PRKAR1A: variants seen among roughly 807,000 people sequenced by gnomAD.
The protein encoded by PRKAR1A is cAMP-dependent protein kinase type I-alpha regulatory subunit.
PRKAR1A carries 3 observed loss-of-function variants against 52.0 expected under a neutral mutation model. That is an observed-to-expected ratio of 0.06 (90% CI 0.03 to 0.15). PRKAR1A has a LOEUF of 0.15. Among genes scored for constraint, PRKAR1A ranks in the 10% least tolerant of loss-of-function variants. The pLI, the probability that PRKAR1A is intolerant of heterozygous loss-of-function variation, is 1.00. For synonymous variants in PRKAR1A, 188 were observed against 168.4 expected (o/e 1.12, Z -0.90); for missense variants, 240 against 477.4 (o/e 0.50, Z 4.63).
At chr17:68,462,830 G>A in the PRKAR1A span, among the ~76,000 whole-genome samples, 1 of 152,216 alleles carries the variant, frequency 6.6e-6, no homozygotes, top group Non-Finnish European at 1.5e-5. Context: ...ATTGTGCCAA[G>A]AGGGCCACGG....
intron 1 of PRKAR1A, chr17:68,512,932 GGTCCGCCATCGTCTC>G (rs1468953683): frequency 6.6e-6 from 1 of 152,288 alleles, no homozygotes; most frequent in Admixed American, 6.5e-5. Flanking sequence ...ATTTTACTGG[GGTCCGCCATCGTCTC>G]GTCCGCCGGT....
chr17:68,546,986 G>A (rs1203043656), intron 11 of PRKAR1A, among the ~76,000 whole-genome samples: 1 of 152,036 alleles, frequency 6.6e-6, no homozygotes, highest in African/African-American at 2.4e-5. Flanking sequence ...TATTACCAAT[G>A]AGCAGTAATA....
the PRKAR1A span, among the ~76,000 whole-genome samples, chr17:68,481,048 C>A: frequency 6.6e-6 from 1 of 152,286 alleles, no homozygotes; most frequent in South Asian, 2.1e-4. Flanking sequence ...GTCTCCCTAC[C>A]CAGTTATAGC....
chr17:68,495,012 C>T, the PRKAR1A span, among the ~76,000 whole-genome samples: 10 of 152,124 alleles, frequency 6.6e-5, no homozygotes, highest in Admixed American at 1.3e-4. Flanking sequence ...CTCTGTCTAC[C>T]TTCCCTTCCT....
At chr17:68,470,434 T>C in the PRKAR1A span, among the ~76,000 whole-genome samples, 2 of 152,242 alleles carry the variant, frequency 1.3e-5, no homozygotes, top group Admixed American at 1.3e-4. Context: ...CAAGAGAGTC[T>C]TGGGTAAACC....
chr17:68,507,634 G>T (rs149050576), upstream of PRKAR1A, among the ~76,000 whole-genome samples: 1 of 151,836 alleles, frequency 6.6e-6, no homozygotes, highest in Non-Finnish European at 1.5e-5. Flanking sequence ...CATGTATCCC[G>T]AACTTAAATT....
At chr17:68,497,494 G>C in the PRKAR1A span, among the ~76,000 whole-genome samples, 1 of 152,138 alleles carries the variant, frequency 6.6e-6, no homozygotes, top group Non-Finnish European at 1.5e-5. Context: ...GTACCCCTAA[G>C]GAAAAGACTT....
the PRKAR1A span, among the ~76,000 whole-genome samples, chr17:68,442,767 G>A: frequency 1.3e-5 from 2 of 152,080 alleles, no homozygotes; most frequent in Admixed American, 6.6e-5. Context: ...AACTGTGTCC[G>A]CACCCCAGAG....
chr17:68,448,919 C>T, the PRKAR1A span, among the ~76,000 whole-genome samples: 1 of 152,214 alleles, frequency 6.6e-6, no homozygotes, highest in Non-Finnish European at 1.5e-5. Context: ...CTTTCTTACT[C>T]CTGCTACTCC....
chr17:68,528,682 T>C, intron 8 of PRKAR1A, 188 bp from the exon 9 acceptor site: 1 of 708,484 alleles, frequency 1.4e-6, no homozygotes, highest in Non-Finnish European at 2.4e-6. Context: ...ATCTAAGGGC[T>C]ATCTGCAGGC....
At chr17:68,528,024 G>T (rs755250113) in intron 8 of PRKAR1A, 124 bp downstream of exon 8, 1 of 825,238 alleles carries the variant, frequency 1.2e-6, no homozygotes. Context: ...AGACAGAAGG[G>T]CTGAAAGTCC....
At chr17:68,536,928 A>G (rs1216173156), downstream of PRKAR1A, 1 of 454,208 alleles carries the variant, frequency 2.2e-6, no homozygotes. Flanking sequence ...AGTAGGGATT[A>G]CTGATTCAGA....
chr17:68,505,734 G>A, the PRKAR1A span, among the ~76,000 whole-genome samples: 5 of 152,146 alleles, frequency 3.3e-5, no homozygotes, highest in South Asian at 8.3e-4. Flanking sequence ...ACTGGCTTGA[G>A]CCCAGGAGAT....
the PRKAR1A span, among the ~76,000 whole-genome samples, chr17:68,446,811 TC>T: frequency 6.6e-6 from 1 of 152,156 alleles, no homozygotes; most frequent in Admixed American, 6.6e-5. Context: ...TGCATTTTTT[TC>T]CCAAGAGCTC....
the PRKAR1A span, chr17:68,421,698 A>T: frequency 6.2e-7 from 1 of 1,606,870 alleles, no homozygotes; most frequent in Non-Finnish European, 8.5e-7. Context: ...ATTGCACTCC[A>T]TTCTTCCGCC....
At chr17:68,480,822 G>A in the PRKAR1A span, among the ~76,000 whole-genome samples, 1 of 152,146 alleles carries the variant, frequency 6.6e-6, no homozygotes, top group African/African-American at 2.4e-5. Flanking sequence ...AATGCTAGGT[G>A]CAAGCCACCG....
At chr17:68,540,581 G>A (rs2143470889) in intron 11 of PRKAR1A, 1 of 559,466 alleles carries the variant, frequency 1.8e-6, no homozygotes, top group Non-Finnish European at 3.4e-6. Context: ...TGAACATACA[G>A]CTTCCAATCT....
intron 11 of PRKAR1A, among the ~76,000 whole-genome samples, chr17:68,549,311 G>A (rs2952313): frequency 0.75 from 114,363 of 152,000 alleles, 44,102 homozygotes; most frequent in African/African-American, 0.93. Context: ...CCTGGCCAAC[G>A]TGGTGAAACC....
At chr17:68,518,275 C>T (rs187637549) in intron 2 of PRKAR1A, among the ~76,000 whole-genome samples, 59 of 152,278 alleles carry the variant, frequency 3.9e-4, no homozygotes, top group African/African-American at 1.3e-3. Flanking sequence ...AGTGGGGACT[C>T]GGTGTGGGGG....
Sources: gnomAD v4.1 joint callset for allele counts (sites outside exome capture counted in the v4.1 genomes callset) on GRCh38, gnomAD v4.1.1 for gene constraint, MANE v1.5 for transcripts, NCBI Gene and HGNC (gene_info 2026-07-23, HGNC 2026-07-21) for gene names.